PDE3B: variants seen among roughly 807,000 people sequenced by gnomAD.
PDE3B encodes phosphodiesterase 3B, also known as cGMP-inhibited 3',5'-cyclic phosphodiesterase 3B.
In PDE3B, 66 loss-of-function variants were observed where a neutral mutation model predicts 116.8. That is an observed-to-expected ratio of 0.56 (90% CI 0.46 to 0.69). PDE3B has a LOEUF of 0.69. Ranked by LOEUF, PDE3B falls within the 30% of genes least tolerant of loss-of-function variation. The pLI is 0.00. For synonymous variants in PDE3B, 595 were observed against 533.6 expected (o/e 1.12, Z -1.59); for missense variants, 1,384 against 1,368.1 (o/e 1.01, Z -0.18).
downstream of PDE3B, among the ~76,000 whole-genome samples, chr11:14,873,788 T>C (rs1004620505): frequency 3.9e-5 from 6 of 152,330 alleles, no homozygotes; most frequent in Admixed American, 3.9e-4. Flanking sequence ...GTCATAGTAT[T>C]GGCTTCTGGT....
Position 14,708,772 on chromosome 11 carries a change from TTA to T in PDE3B, c.979-63152_979-63151del, listed in dbSNP as rs747025383. ...TACTCTAAAAAAGTTCAGGGGTGAA[TTA>T]TATATATATATAGAGAGAGAGAATG... On this transcript the variant is annotated intron_variant, in intron 1 of 15. Coordinates refer to ENST00000282096, the MANE Select transcript of PDE3B (RefSeq NM_000922.4). Among the ~76,000 whole-genome samples the T allele has an allele frequency of 9.5e-4, 144 of 150,978 alleles. 2 individuals carry two copies. The highest frequency in any genetic ancestry group is 1.5e-3 in the Non-Finnish European group (99 of 67,634).
intron 2 of PDE3B, among the ~76,000 whole-genome samples, chr11:14,781,678 T>G (rs1858007452): frequency 6.6e-6 from 1 of 152,190 alleles, no homozygotes; most frequent in Admixed American, 6.5e-5. Context: ...ATAAGAGCTA[T>G]GTATGACAAA....
intron 12 of PDE3B, among the ~76,000 whole-genome samples, chr11:14,856,291 C>T (rs1335609308): frequency 3.3e-5 from 5 of 152,154 alleles, no homozygotes; most frequent in Admixed American, 2.0e-4. Context: ...TTCAATTAAA[C>T]CTCTTTTGTT....
At chr11:14,802,047 G>A (rs1280087474) in intron 4 of PDE3B, among the ~76,000 whole-genome samples, 1 of 152,246 alleles carries the variant, frequency 6.6e-6, no homozygotes, top group Non-Finnish European at 1.5e-5. Flanking sequence ...TTTCAAGCCA[G>A]TGGATCTTAG....
chr11:14,785,128 G>C (rs118071012), intron 2 of PDE3B, among the ~76,000 whole-genome samples: 2,769 of 152,200 alleles, frequency 0.018, 36 homozygotes, highest in Non-Finnish European at 0.032. Context: ...AATTAGAAGT[G>C]TAGATTTGAT....
At chr11:14,783,205 T>G (rs1858081105) in intron 2 of PDE3B, among the ~76,000 whole-genome samples, 1 of 152,242 alleles carries the variant, frequency 6.6e-6, no homozygotes, top group Non-Finnish European at 1.5e-5. Flanking sequence ...GTATGGTGAT[T>G]GCTGAAGGAT....
At position 14,869,876 on chromosome 11, in the gene PDE3B, C is replaced by T. The variant is rs1848114845; in HGVS notation, c.*216C>T. The T allele has an allele frequency of 2.1e-6, 1 of 480,740 alleles. No homozygotes were observed. Among genetic ancestry groups the T allele is most frequent in the Non-Finnish European group, 3.7e-6 (1 of 271,550 alleles). The allele number at this position is 480,740 out of a possible 1,614,324, so 29.8% of individuals were successfully genotyped here. A position where few individuals can be genotyped will look rare whatever the true frequency, so the allele number is the denominator to read the frequency against. ...AAAACTATTCTTAAACCAAAAATAC[C>T]ATCCGTGTTGACCCATGTTGCAGAG... On this transcript the variant is annotated 3_prime_UTR_variant, in exon 16 of 16. Transcript: ENST00000282096.
At chr11:14,892,389 T>A in the PDE3B span, 3 of 634,162 alleles carry the variant, frequency 4.7e-6, no homozygotes, top group Non-Finnish European at 8.2e-6. Flanking sequence ...CGGCTGAGAG[T>A]GGACTTTGCG....
chr11:14,668,779 C>G (rs144854708), intron 1 of PDE3B, among the ~76,000 whole-genome samples: 118 of 152,254 alleles, frequency 7.8e-4, no homozygotes, highest in African/African-American at 2.3e-3. Flanking sequence ...GTTTAGATAT[C>G]AGCACACTGG....
intron 7 of PDE3B, among the ~76,000 whole-genome samples, chr11:14,828,937 A>G (rs1859788573): frequency 6.6e-6 from 1 of 152,238 alleles, no homozygotes; most frequent in Non-Finnish European, 1.5e-5. Context: ...TAGATTGGAT[A>G]AAGAAAATAT....
the PDE3B span, chr11:14,879,459 T>C: frequency 1.9e-6 from 3 of 1,569,588 alleles, no homozygotes; most frequent in South Asian, 3.3e-5. Context: ...AGAGAAAAAG[T>C]ATTCAAGTTA....
chr11:14,756,493 C>A (rs1260696777), intron 1 of PDE3B, among the ~76,000 whole-genome samples: 3 of 152,068 alleles, frequency 2.0e-5, no homozygotes, highest in African/African-American at 7.2e-5. Flanking sequence ...GAGGTGATAC[C>A]CCACCTACAA....
intron 2 of PDE3B, among the ~76,000 whole-genome samples, chr11:14,778,666 G>A (rs1016056144): frequency 1.3e-5 from 2 of 152,192 alleles, no homozygotes; most frequent in African/African-American, 4.8e-5. Flanking sequence ...CCCGTCTGAC[G>A]TCACCATCAT....
At chr11:14,797,663 C>T (rs961916802) in intron 4 of PDE3B, among the ~76,000 whole-genome samples, 2 of 152,052 alleles carry the variant, frequency 1.3e-5, no homozygotes, top group African/African-American at 4.8e-5. Context: ...GAGTTGGATT[C>T]CTAGGTATTT....
At chr11:14,846,752 C>T (rs1847612937) in intron 12 of PDE3B, among the ~76,000 whole-genome samples, 1 of 152,094 alleles carries the variant, frequency 6.6e-6, no homozygotes, top group Non-Finnish European at 1.5e-5. Context: ...AAGGCCATTA[C>T]ATAATGGTAA....
chr11:14,645,782 T>A lies in PDE3B; in HGVS notation c.978+729T>A, dbSNP rs577797915. Among the ~76,000 whole-genome samples the A allele has an allele frequency of 2.6e-5, 4 of 152,352 alleles. No homozygotes were observed. The South Asian group carries it at 8.3e-4, about 32-fold the overall frequency. On this transcript the variant is annotated intron_variant, in intron 1 of 15. Coordinates refer to ENST00000282096, the MANE Select transcript of PDE3B (RefSeq NM_000922.4). ...AGGTTTACATATTTTTGTTTTTTTT[T>A]TAAAAGGGATTGAAATCATTAGCAA...
At chr11:14,792,415 AAGTAAT>A (rs1858416285) in intron 4 of PDE3B, among the ~76,000 whole-genome samples, 1 of 113,588 alleles carries the variant, frequency 8.8e-6, no homozygotes, top group African/African-American at 4.9e-5. Context: ...TTTGGATAAA[AAGTAAT>A]ACCCTATTTG....
intron 2 of PDE3B, among the ~76,000 whole-genome samples, chr11:14,780,221 C>T (rs956495130): frequency 1.3e-5 from 2 of 152,166 alleles, no homozygotes; most frequent in African/African-American, 4.8e-5. Context: ...TAATGGGAGA[C>T]TTTAACACCC....
At chr11:14,801,750 A>T (rs1228944650) in intron 4 of PDE3B, among the ~76,000 whole-genome samples, 1 of 152,196 alleles carries the variant, frequency 6.6e-6, no homozygotes, top group Admixed American at 6.5e-5. Flanking sequence ...CCCTTCCCCC[A>T]GGTGCTCTGT....
Sources: gnomAD v4.1 joint callset for allele counts (sites outside exome capture counted in the v4.1 genomes callset) on GRCh38, gnomAD v4.1.1 for gene constraint, MANE v1.5 for transcripts, NCBI Gene and HGNC (gene_info 2026-07-23, HGNC 2026-07-21) for gene names.